Variants in DSCAM observed in about 807,000 individuals in gnomAD.
DSCAM encodes the protein cell adhesion molecule DSCAM.
A neutral mutation model predicts 217.7 loss-of-function variants in DSCAM; 47 were observed. That is an observed-to-expected ratio of 0.22 (90% confidence interval 0.17 to 0.28). The LOEUF is 0.28. Among genes scored for constraint, DSCAM ranks in the 10% least tolerant of loss-of-function variants. The probability of loss-of-function intolerance (pLI) is 1.00; values close to 1 mark genes in which losing one functional copy is unlikely to be tolerated. For synonymous variants in DSCAM, 1,056 were observed against 1,015.3 expected (o/e 1.04, Z -0.76); for missense variants, 2,080 against 2,618.3 (o/e 0.79, Z 4.49).
At position 40,195,005 on chromosome 21, in the gene DSCAM, G is replaced by A. The variant is rs150867217; in HGVS notation, c.2357-5767C>T. ...AATAATTTTAAAGGGTGTTCCCATC[G>A]TACAAGAGATACTGAGAAGATAGTA... On this transcript the variant is annotated intron_variant, in intron 11 of 32. Transcript: ENST00000400454. Among the ~76,000 whole-genome samples the A allele has an allele frequency of 1.2e-3, 179 of 152,212 alleles. 1 individual carries two copies. Among genetic ancestry groups the A allele is most frequent in the Admixed American group, 1.8e-3 (28 of 15,296 alleles).
intron 1 of DSCAM, among the ~76,000 whole-genome samples, chr21:40,765,751 G>T (rs2091381608): frequency 6.6e-6 from 1 of 152,204 alleles, no homozygotes; most frequent in African/African-American, 2.4e-5. Context: ...CAACAGAATG[G>T]TTGTTTAATT....
Position 40,816,114 on chromosome 21 carries a change from C to G in DSCAM, c.43+30505G>C, listed in dbSNP as rs1411787890. Among the ~76,000 whole-genome samples, 4 of 152,212 alleles carry G rather than the reference C, an allele frequency of 2.6e-5. No individual in the cohort carries two copies. The East Asian group carries it at 7.7e-4, about 29-fold the overall frequency. On this transcript the variant is annotated intron_variant, in intron 1 of 32. Transcript: ENST00000400454. Reference sequence around the variant, plus strand: ...AATGTCAAAACAGCAAAATCAGTTTCTAAAAAGTGGGGATAACATATTCAA... The same window carrying G: ...AATGTCAAAACAGCAAAATCAGTTTGTAAAAAGTGGGGATAACATATTCAA...
chr21:40,077,679 C>CT (rs2146551771), intron 26 of DSCAM, among the ~76,000 whole-genome samples: 1 of 152,334 alleles, frequency 6.6e-6, no homozygotes, highest in Admixed American at 6.5e-5. Context: ...AAGGCATCCC[C>CT]TCACAAAGCA....
At chr21:40,658,090 A>G (rs1018729570) in intron 3 of DSCAM, among the ~76,000 whole-genome samples, 1 of 152,210 alleles carries the variant, frequency 6.6e-6, no homozygotes. Flanking sequence ...ACAGGAGTCC[A>G]GGAAAGGTCC....
chr21:40,619,412 T>G (rs1231344890), intron 3 of DSCAM, among the ~76,000 whole-genome samples: 1 of 152,232 alleles, frequency 6.6e-6, no homozygotes, highest in Non-Finnish European at 1.5e-5. Flanking sequence ...TCAAAAAGAT[T>G]AATATGTTGG....
chr21:40,103,090 G>A (rs1428284754), intron 20 of DSCAM, among the ~76,000 whole-genome samples: 1 of 152,106 alleles, frequency 6.6e-6, no homozygotes, highest in Non-Finnish European at 1.5e-5. Context: ...AATGATTTGA[G>A]TACGATAGGA....
intron 3 of DSCAM, chr21:40,385,059 T>C (rs1004033049): frequency 6.6e-6 from 1 of 152,216 alleles, no homozygotes; most frequent in African/African-American, 2.4e-5. Flanking sequence ...GAAATATTAG[T>C]GTGTATTCCC....
At chr21:40,300,646 GTCAGGGTATAAATTCTCTGCCTCTGCC>G (rs1441357983) in intron 9 of DSCAM, among the ~76,000 whole-genome samples, 1 of 152,226 alleles carries the variant, frequency 6.6e-6, no homozygotes, top group African/African-American at 2.4e-5. Context: ...AGGGACAGGA[GTCAGGGTATAAATTCTCTGCCTCTGCC>G]TCAGTTTCCT....
At chr21:40,166,350 C>A (rs906015941) in intron 16 of DSCAM, among the ~76,000 whole-genome samples, 1 of 152,136 alleles carries the variant, frequency 6.6e-6, no homozygotes, top group Non-Finnish European at 1.5e-5. Flanking sequence ...ATAGTTAATG[C>A]AATGTTACAG....
intron 3 of DSCAM, among the ~76,000 whole-genome samples, chr21:40,395,658 C>T (rs1227504278): frequency 1.3e-5 from 2 of 151,716 alleles, no homozygotes; most frequent in African/African-American, 2.4e-5. Context: ...TTTGTTTTCT[C>T]TTTATATTCA....
intron 4 of DSCAM, among the ~76,000 whole-genome samples, chr21:40,361,268 G>A (rs146866878): frequency 4.7e-4 from 71 of 151,950 alleles, no homozygotes; most frequent in South Asian, 3.5e-3. Context: ...TCTATTTTTC[G>A]TCATGTTTAT....
At chr21:40,301,522 C>G (rs937302081) in intron 9 of DSCAM, among the ~76,000 whole-genome samples, 33 of 130,846 alleles carry the variant, frequency 2.5e-4, no homozygotes, top group Non-Finnish European at 4.0e-4. Context: ...TTAGCACTCA[C>G]TCAGTCAGGC....
intron 11 of DSCAM, among the ~76,000 whole-genome samples, chr21:40,249,217 G>C (rs991310861): frequency 2.0e-5 from 3 of 152,204 alleles, no homozygotes; most frequent in Admixed American, 1.3e-4. Flanking sequence ...GTTTGGCTCT[G>C]TGTTCCCACC....
intron 3 of DSCAM, among the ~76,000 whole-genome samples, chr21:40,465,594 G>A (rs1011744777): frequency 6.6e-6 from 1 of 152,176 alleles, no homozygotes; most frequent in African/African-American, 2.4e-5. Flanking sequence ...CGCGGCCCAG[G>A]ACGGCTTTGA....
At chr21:40,074,577 C>T (rs192248902) in intron 27 of DSCAM, among the ~76,000 whole-genome samples, 12 of 152,264 alleles carry the variant, frequency 7.9e-5, no homozygotes, top group African/African-American at 1.2e-4. Flanking sequence ...CTTCAGCTCC[C>T]GTTTCTAATT....
At chr21:40,356,991 C>T (rs2074700626) in intron 4 of DSCAM, among the ~76,000 whole-genome samples, 1 of 152,134 alleles carries the variant, frequency 6.6e-6, no homozygotes, top group African/African-American at 2.4e-5. Context: ...TTTTACTTCA[C>T]TGGTGTCTTA....
chr21:40,465,893 A>ATGT, intron 3 of DSCAM, among the ~76,000 whole-genome samples: 1 of 151,936 alleles, frequency 6.6e-6, no homozygotes, highest in Non-Finnish European at 1.5e-5. Flanking sequence ...AAAAAAAAAA[A>ATGT]ATATTTTCAG....
At chr21:40,134,226 A>G (rs2090184433) in intron 18 of DSCAM, among the ~76,000 whole-genome samples, 2 of 152,144 alleles carry the variant, frequency 1.3e-5, no homozygotes, top group Non-Finnish European at 2.9e-5. Flanking sequence ...ACTGCTCCAG[A>G]ACACAAGGCA....
At position 40,657,472 on chromosome 21, in the gene DSCAM, G is replaced by A. The variant is rs116494041; in HGVS notation, c.508+35338C>T. Reference sequence around the variant, plus strand: ...GCAACATTAGTGGGCTAGTTCAAGTGCCTTTCAAACTGCAAGAAAAAGAAA... The same window carrying A: ...GCAACATTAGTGGGCTAGTTCAAGTACCTTTCAAACTGCAAGAAAAAGAAA... On this transcript the variant is annotated intron_variant, in intron 3 of 32. Transcript: ENST00000400454. Among the ~76,000 whole-genome samples the A allele has an allele frequency of 4.2e-3, 636 of 152,258 alleles. 7 individuals are homozygous for A. Among genetic ancestry groups the A allele is most frequent in the African/African-American group, 0.014 (599 of 41,564 alleles).
Sources: gnomAD v4.1 joint callset for allele counts (sites outside exome capture counted in the v4.1 genomes callset) on GRCh38, gnomAD v4.1.1 for gene constraint, MANE v1.5 for transcripts, NCBI Gene and HGNC (gene_info 2026-07-23, HGNC 2026-07-21) for gene names.